The following CABIN1 variants were observed in gnomAD, a reference collection of about 807,000 sequenced individuals.
CABIN1 encodes the protein calcineurin-binding protein cabin-1.
Under a neutral mutation model 227.7 loss-of-function variants are expected in CABIN1, and 133 were observed. The observed-to-expected ratio is 0.58, with a 90% CI of 0.51 to 0.67. CABIN1 has a LOEUF of 0.67. Among genes scored for constraint, CABIN1 ranks in the 30% least tolerant of loss-of-function variants. CABIN1 has a pLI of 0.00. For synonymous variants in CABIN1, 1,086 were observed against 1,155.1 expected (o/e 0.94, Z 1.21); for missense variants, 2,408 against 2,852.5 (o/e 0.84, Z 3.55).
chr22:24,076,118 C>T (rs1430926545), intron 18 of CABIN1, 51 bp from the exon 19 acceptor site: 1 of 1,373,744 alleles, frequency 7.3e-7, no homozygotes, highest in Non-Finnish European at 1.0e-6. Context: ...CCCCTGCAGG[C>T]ACGCAGGTTC....
At chr22:24,171,368 G>A (rs2046801542) in intron 33 of CABIN1, among the ~76,000 whole-genome samples, 1 of 152,172 alleles carries the variant, frequency 6.6e-6, no homozygotes, top group South Asian at 2.1e-4. Flanking sequence ...CCCATGCCTA[G>A]GGTCCTGCAG....
chr22:24,161,635 C>G (rs529847446), intron 29 of CABIN1, among the ~76,000 whole-genome samples: 150 of 152,328 alleles, frequency 9.8e-4, no homozygotes, highest in African/African-American at 3.4e-3. Flanking sequence ...TCCACCTGCC[C>G]TCAGCCAGGC....
chr22:24,066,642 G>A (rs1205487719), intron 15 of CABIN1, among the ~76,000 whole-genome samples: 1 of 152,130 alleles, frequency 6.6e-6, no homozygotes, highest in Non-Finnish European at 1.5e-5. Context: ...ACAACCCGAT[G>A]TTCCGCAGTT....
At chr22:24,063,258 GCA>G (rs2039332771) in intron 14 of CABIN1, 112 bp downstream of exon 14, 9 of 1,057,952 alleles carry the variant, frequency 8.5e-6, no homozygotes, top group Middle Eastern at 3.0e-4. Context: ...GTGTGTGTGT[GCA>G]TGCATGTGTA....
rs111644224 is a variant in CABIN1 at position 24,048,179 on chromosome 22, A to T, written c.527-912A>T. On this transcript the variant is annotated intron_variant, in intron 6 of 36. Coordinates refer to ENST00000263119, the MANE Select transcript of CABIN1 (RefSeq NM_012295.4). ...AGCTTTAATAATAGGTTTTTTTTTTAAAAAAAGGAGGAAAATTGGAAAATA... is the reference window on the plus strand; with the variant it reads ...AGCTTTAATAATAGGTTTTTTTTTTTAAAAAAGGAGGAAAATTGGAAAATA... Among the ~76,000 whole-genome samples the T allele has an allele frequency of 1.0e-3, 156 of 151,688 alleles. 1 individual carries two copies. Among genetic ancestry groups the T allele is most frequent in the East Asian group, 7.3e-3 (38 of 5,178 alleles).
At chr22:24,081,037 C>T (rs2040774398) in intron 19 of CABIN1, among the ~76,000 whole-genome samples, 1 of 152,172 alleles carries the variant, frequency 6.6e-6, no homozygotes, top group African/African-American at 2.4e-5. Flanking sequence ...CTACTCAGGG[C>T]TTCCATTGCC....
intron 16 of CABIN1, among the ~76,000 whole-genome samples, chr22:24,067,510 G>A (rs147060910): frequency 4.9e-4 from 75 of 152,276 alleles, no homozygotes; most frequent in Non-Finnish European, 9.3e-4. Context: ...ATCTTGTTTT[G>A]TATTGCTTTT....
At chr22:24,117,861 GGCTTACCC>G (rs2043178235) in intron 27 of CABIN1, among the ~76,000 whole-genome samples, 1 of 152,198 alleles carries the variant, frequency 6.6e-6, no homozygotes, top group South Asian at 2.1e-4. Flanking sequence ...CCAGCATTAT[GGCTTACCC>G]TGTTTGGTGA....
intron 33 of CABIN1, among the ~76,000 whole-genome samples, chr22:24,170,553 C>T (rs1305912384): frequency 6.6e-6 from 1 of 152,172 alleles, no homozygotes; most frequent in Admixed American, 6.5e-5. Context: ...ACAGGTCTGT[C>T]CTCCTGCCCC....
rs571373651 is a variant in CABIN1, at chr22:24,165,705, C to T, written c.5007+79C>T. ...CCTTCCCAGGTGGTGGGCCCGATCC[C>T]TCTATTTGCATACCCTTAGGCAGGA... is the stretch of plus-strand genomic sequence containing the variant. On this transcript the variant is annotated intron_variant, in intron 31 of 36. Transcript: ENST00000263119. 2.1e-5 allele frequency: 25 copies of T among 1,172,946 alleles called. No individual in the cohort carries two copies. The African/African-American group carries it at 3.7e-4, about 18-fold the overall frequency. 72.7% of individuals were successfully genotyped at this position (1,172,946 alleles called of 1,614,324 possible).
chr22:24,097,610 T>C (rs1169177693), intron 25 of CABIN1, among the ~76,000 whole-genome samples: 1 of 152,256 alleles, frequency 6.6e-6, no homozygotes, highest in African/African-American at 2.4e-5. Flanking sequence ...CTTGTACATG[T>C]GTGAGCATGC....
intron 5 of CABIN1, 116 bp from the exon 6 acceptor site, chr22:24,042,786 TCC>T: frequency 1.0e-6 from 1 of 969,990 alleles, no homozygotes; most frequent in Non-Finnish European, 1.6e-6. Context: ...GCTCCTCCCG[TCC>T]CCGGGGTGCA....
At chr22:24,113,479 G>A in intron 26 of CABIN1, 87 bp from the exon 27 acceptor site, 2 of 1,252,252 alleles carry the variant, frequency 1.6e-6, no homozygotes, top group Non-Finnish European at 1.2e-6. Flanking sequence ...CAGGCCACCG[G>A]CAGGGAGACT....
At chr22:24,030,559 G>A (rs1378459050) in intron 1 of CABIN1, among the ~76,000 whole-genome samples, 1 of 152,206 alleles carries the variant, frequency 6.6e-6, no homozygotes, top group Non-Finnish European at 1.5e-5. Context: ...AGTGGGGAGA[G>A]TTGACTTGAG....
chr22:24,165,861 G>A (rs543950891), intron 31 of CABIN1, among the ~76,000 whole-genome samples: 1 of 152,346 alleles, frequency 6.6e-6, no homozygotes, highest in East Asian at 1.9e-4. Context: ...AAGAGCCATA[G>A]TGACTCCATG....
Position 24,055,095 on chromosome 22 carries a change from C to T in CABIN1, c.1029C>T (p.Thr343=), listed in dbSNP as rs753967904. 1.7e-5 allele frequency: 28 copies of T among 1,614,094 alleles called. No individual in the cohort carries two copies. The highest frequency in any genetic ancestry group is 1.3e-4 in the African/African-American group (10 of 74,962). The change falls in exon 9 of 37, where the codon ACC becomes ACT. Residue 343 remains threonine (T), a synonymous_variant. Transcript: ENST00000263119. ...VAVAEPVVSY[T]SVATTSFPLH... is the part of the protein sequence containing the mutation. ...TCGCCGAGCCTGTGGTCTCCTACAC[C>T]TCTGTGGCTACAACCAGCTTCCCAC... is the stretch of plus-strand genomic sequence containing the variant.
chr22:24,025,644 G>A (rs867685330), intron 1 of CABIN1, among the ~76,000 whole-genome samples: 2 of 152,180 alleles, frequency 1.3e-5, no homozygotes, highest in Non-Finnish European at 2.9e-5. Flanking sequence ...GTTGTTTTAA[G>A]TGTTCAGTCA....
chr22:24,153,998 T>C (rs1009271051), intron 29 of CABIN1, among the ~76,000 whole-genome samples: 1 of 152,118 alleles, frequency 6.6e-6, no homozygotes, highest in Admixed American at 6.5e-5. Context: ...TGGCAATGTG[T>C]CTGAGAGAGC....
chr22:24,164,282 C>T (rs2046321521), intron 29 of CABIN1, 118 bp from the exon 30 acceptor site: 1 of 1,290,126 alleles, frequency 7.8e-7, no homozygotes. Flanking sequence ...CAAGAAGCCC[C>T]TGGCTGGGCA....
Sources: gnomAD v4.1 joint callset for allele counts (sites outside exome capture counted in the v4.1 genomes callset) on GRCh38, gnomAD v4.1.1 for gene constraint, MANE v1.5 for transcripts, NCBI Gene and HGNC (gene_info 2026-07-23, HGNC 2026-07-21) for gene names.